RP2: variants seen among roughly 807,000 people sequenced by gnomAD.
RP2 encodes RP2 activator of ARL3 GTPase, also known as protein XRP2.
A neutral mutation model predicts 20.3 loss-of-function variants in RP2; 3 were observed. The observed-to-expected ratio is 0.15, with a 90% CI of 0.07 to 0.38. The LOEUF (loss-of-function observed/expected upper bound fraction) is 0.38, where lower values mean the gene tolerates loss of function less well. RP2 is among the 10% of genes least tolerant of loss of function. RP2 has a pLI of 1.00. For synonymous variants in RP2, 75 were observed against 94.8 expected, an observed-to-expected ratio of 0.79 and a Z score of 1.22; for missense variants, 233 against 268.5, an observed-to-expected ratio of 0.87 and a Z score of 0.92.
Position 46,872,024 on chromosome X carries a change from C to T in RP2, c.884-5481C>T, listed in dbSNP as rs1556326618. 3.6e-5 allele frequency among the ~76,000 whole-genome samples: 4 copies of T among 111,120 alleles called. No homozygotes were observed. In the Admixed American group the frequency reaches 3.9e-4, roughly 11 times the overall value. On this transcript the variant is annotated intron_variant, in intron 3 of 4. Transcript: ENST00000218340. ...GGTGCAGTCATAGCTCAACTGCAGC[C>T]TCGAACTCCTGGGGCTCAAGTAATC...
At chrX:46,878,900 T>A (rs782497603) in intron 4 of RP2, among the ~76,000 whole-genome samples, 8 of 109,543 alleles carry the variant, frequency 7.3e-5, no homozygotes, top group Admixed American at 5.9e-4. Context: ...CTATTGAGTA[T>A]TGCTTCATTG....
Position 46,858,736 on chromosome X carries a change from G to A in RP2, c.769-1252G>A, listed in dbSNP as rs782194820. On this transcript the variant is annotated intron_variant, in intron 2 of 4. Coordinates refer to ENST00000218340, the MANE Select transcript of RP2 (RefSeq NM_006915.3). Reference sequence around the variant, plus strand: ...AGTCCTCCCACCTTGGCCTCTCAGAGTGCTTGGGATGCATGTGTGAGCCAT... The same window carrying A: ...AGTCCTCCCACCTTGGCCTCTCAGAATGCTTGGGATGCATGTGTGAGCCAT... Among the ~76,000 whole-genome samples the A allele has an allele frequency of 1.1e-4, 12 of 111,367 alleles. No homozygotes were observed. The South Asian group carries it at 4.6e-3, about 42-fold the overall frequency.
intron 3 of RP2, among the ~76,000 whole-genome samples, chrX:46,861,556 A>G (rs1925062219): frequency 8.9e-6 from 1 of 111,898 alleles, no homozygotes; most frequent in Non-Finnish European, 1.9e-5. Flanking sequence ...ATTAAAAGGA[A>G]TACTGGGACT....
intron 1 of RP2, among the ~76,000 whole-genome samples, chrX:46,850,736 C>T (rs782313167): frequency 2.7e-5 from 3 of 111,865 alleles, no homozygotes; most frequent in African/African-American, 6.5e-5. Flanking sequence ...TTCTCTTCCC[C>T]GCCCCAGATG....
chrX:46,840,016 C>T (rs1264432216), intron 1 of RP2, among the ~76,000 whole-genome samples: 4 of 111,870 alleles, frequency 3.6e-5, no homozygotes, highest in African/African-American at 6.5e-5. Context: ...GCTCTGTCAT[C>T]GCCCAGGCTG....
intron 1 of RP2, among the ~76,000 whole-genome samples, chrX:46,850,445 G>A (rs1463368428): frequency 9.0e-6 from 1 of 111,703 alleles, no homozygotes. Context: ...TGTAAATTTT[G>A]CTTATTTAAA....
At chrX:46,873,755 T>C (rs1331167096) in intron 3 of RP2, among the ~76,000 whole-genome samples, 3 of 111,178 alleles carry the variant, frequency 2.7e-5, no homozygotes, top group Non-Finnish European at 5.7e-5. Context: ...TTAACACTTA[T>C]GAAGAGTCTT....
rs1924523153 is a variant in RP2 at position 46,837,157 on chromosome X, C to G, written c.57C>G (p.Asn19Lys). 1.7e-6 allele frequency: 2 copies of G among 1,170,976 alleles called. No homozygotes were observed. The highest frequency in any genetic ancestry group is 2.3e-6 in the Non-Finnish European group (2 of 874,937). ...CTGACAAGGAGTCGCGGCCCGAGAA[C>G]GAGGAGGAGCGGCCAAAGCAGTACA... is the stretch of plus-strand genomic sequence containing the variant. ...RKADKESRPENEEERPKQYSW... is the reference protein window; with the variant it reads ...RKADKESRPEKEEERPKQYSW... The change falls in exon 1 of 5, where the codon AAC (asparagine) becomes AAG (lysine). Residue 19 changes from asparagine to lysine, a missense_variant. By Grantham distance (94) the Asn-to-Lys change is moderately conservative. This residue lies in a region of RP2 where 77 missense variants were observed against 71.8 expected (regional missense o/e 1.07). Transcript: ENST00000218340.
At chrX:46,858,856 GTAAAA>G (rs1407429515) in intron 2 of RP2, among the ~76,000 whole-genome samples, 4 of 111,608 alleles carry the variant, frequency 3.6e-5, no homozygotes, top group Non-Finnish European at 3.8e-5. Context: ...ATAAGAAAGA[GTAAAA>G]TAAGTTTAAA....
chrX:46,867,261 C>T (rs782816849), intron 3 of RP2, among the ~76,000 whole-genome samples: 3 of 111,802 alleles, frequency 2.7e-5, no homozygotes, highest in African/African-American at 6.5e-5. Context: ...CCACCACGCC[C>T]GACTAATTTT....
At chrX:46,850,107 C>T (rs1391208273) in intron 1 of RP2, among the ~76,000 whole-genome samples, 1 of 112,093 alleles carries the variant, frequency 8.9e-6, no homozygotes, top group African/African-American at 3.2e-5. Context: ...TTATTTCTCA[C>T]AGCTCTAGAG....
At chrX:46,861,636 G>A (rs1394011424) in intron 3 of RP2, among the ~76,000 whole-genome samples, 1 of 111,309 alleles carries the variant, frequency 9.0e-6, no homozygotes, top group Non-Finnish European at 1.9e-5. Context: ...CTTAAGGCCA[G>A]GAGTTTGAAA....
intron 3 of RP2, among the ~76,000 whole-genome samples, chrX:46,874,075 A>G (rs1485895029): frequency 8.9e-6 from 1 of 112,040 alleles, no homozygotes; most frequent in African/African-American, 3.2e-5. Flanking sequence ...TGTCAAGCAT[A>G]TAAGACAAAC....
intron 1 of RP2, among the ~76,000 whole-genome samples, chrX:46,838,072 C>G (rs1924547388): frequency 8.9e-6 from 1 of 112,387 alleles, no homozygotes; most frequent in Non-Finnish European, 1.9e-5. Context: ...AATTATTTCT[C>G]CCAAACAAAA....
rs1556327900 is a variant in RP2 at position 46,877,703 on chromosome X, G to GGTGGGTGT, written c.969+116_969+117insGGTGTGTG. 2.9e-5 allele frequency: 11 copies of GGTGGGTGT among 377,300 alleles called. No individual in the cohort carries two copies. The East Asian group carries it at 4.7e-4, about 16-fold the overall frequency. 31.1% of individuals were successfully genotyped at this position (377,300 alleles called of 1,213,427 possible). Reference sequence around the variant, plus strand: ...CCCTAATGTTGCTTGGAATTTTTGGGGTGTGTGTGTGTGTGTGTGTGTGTG... The same window carrying GGTGGGTGT: ...CCCTAATGTTGCTTGGAATTTTTGGGGTGGGTGTGTGTGTGTGTGTGTGTGTGTGTGTG... On this transcript the variant is annotated intron_variant, in intron 4 of 4. Coordinates refer to ENST00000218340, the MANE Select transcript of RP2 (RefSeq NM_006915.3).
chrX:46,842,465 C>A (rs947630589), intron 1 of RP2, among the ~76,000 whole-genome samples: 4 of 111,629 alleles, frequency 3.6e-5, no homozygotes, highest in Non-Finnish European at 7.5e-5. Flanking sequence ...TAAATGCATA[C>A]TACTATTATT....
intron 1 of RP2, among the ~76,000 whole-genome samples, chrX:46,848,384 ATTTTTTTTT>A (rs1324909281): frequency 1.1e-5 from 1 of 92,763 alleles, no homozygotes; most frequent in African/African-American, 3.9e-5. Context: ...TTTTTCTTTG[ATTTTTTTTT>A]TTTTTTTTGA....
rs142146758 is a variant in RP2, at chrX:46,842,966, G to A, written c.102+5764G>A. On this transcript the variant is annotated intron_variant, in intron 1 of 4. Transcript: ENST00000218340. The stretch of plus-strand genomic sequence containing the variant: ...TCATTTCTGTTGTGTACACATCTAG[G>A]TTTGGAATTGCTGGGTCATATGGTA... Among the ~76,000 whole-genome samples the A allele has an allele frequency of 2.8e-5, 3 of 106,991 alleles. No individual in the cohort carries two copies. The East Asian group carries it at 8.7e-4, about 31-fold the overall frequency. 92.9% of individuals were successfully genotyped at this position (106,991 alleles called of 115,157 possible).
At position 46,880,060 on chromosome X, in the gene RP2, TTTA is replaced by T. The variant is rs1329850165; in HGVS notation, c.*297_*299del. On this transcript the variant is annotated 3_prime_UTR_variant, in exon 5 of 5. Transcript: ENST00000218340. ...ATTAGAAAACAGAAGTAGCTAAAAGTTTATTATTTTAATCCTATTTAAATGTTC... is the reference window on the plus strand; with the variant it reads ...ATTAGAAAACAGAAGTAGCTAAAAGTTTATTTTAATCCTATTTAAATGTTC... 5 of 164,087 alleles carry T rather than the reference TTTA, an allele frequency of 3.0e-5. No homozygotes were observed. Among genetic ancestry groups the T allele is most frequent in the Non-Finnish European group, 5.7e-5 (5 of 87,783 alleles). 13.5% of individuals were successfully genotyped at this position (164,087 alleles called of 1,213,427 possible). A position where few individuals can be genotyped will look rare whatever the true frequency, so the allele number is the denominator to read the frequency against.
Sources: allele counts gnomAD v4.1 joint callset (sites outside exome capture counted in the v4.1 genomes callset), GRCh38; gene constraint gnomAD v4.1.1; regional missense constraint gnomAD v4.1.1; transcripts MANE v1.5; gene names NCBI Gene and HGNC (gene_info 2026-07-23, HGNC 2026-07-21).